The following PPARGC1A variants were observed in gnomAD, a reference collection of about 807,000 sequenced individuals.
PPARGC1A encodes PPARG coactivator 1 alpha, also known as peroxisome proliferator-activated receptor gamma coactivator 1-alpha.
PPARGC1A carries 25 observed loss-of-function variants against 88.7 expected under a neutral mutation model. That is an observed-to-expected ratio of 0.28 (90% CI 0.21 to 0.39). The LOEUF (loss-of-function observed/expected upper bound fraction) is 0.39. PPARGC1A is among the 10% of genes least tolerant of loss of function. The probability of loss-of-function intolerance (pLI) is 1.00; values close to 1 mark genes in which losing one functional copy is unlikely to be tolerated. For missense variants in PPARGC1A, 880 were observed against 968.7 expected (o/e 0.91, Z 1.22); for synonymous variants, 363 against 355.6 (o/e 1.02, Z -0.24).
the PPARGC1A span, among the ~76,000 whole-genome samples, chr4:24,171,081 T>C: frequency 5.3e-5 from 8 of 152,092 alleles, no homozygotes; most frequent in Admixed American, 5.2e-4. Flanking sequence ...TATGTCCAAA[T>C]GTTACCTTCT....
the PPARGC1A span, among the ~76,000 whole-genome samples, chr4:24,313,182 G>A: frequency 6.6e-6 from 1 of 152,194 alleles, no homozygotes; most frequent in Non-Finnish European, 1.5e-5. Context: ...TAGACAAGCA[G>A]TGCACAAAGG....
At chr4:24,388,138 TACAAG>T in the PPARGC1A span, among the ~76,000 whole-genome samples, 1 of 58,518 alleles carries the variant, frequency 1.7e-5, no homozygotes. Flanking sequence ...TAAACAAATC[TACAAG>T]AAAAAAAAAA....
the PPARGC1A span, among the ~76,000 whole-genome samples, chr4:24,341,778 T>G: frequency 6.6e-6 from 1 of 152,248 alleles, no homozygotes; most frequent in East Asian, 1.9e-4. Flanking sequence ...ACACACACAT[T>G]CCATGAAAGC....
chr4:23,848,612 C>T (rs1368741911), intron 2 of PPARGC1A, among the ~76,000 whole-genome samples: 1 of 152,136 alleles, frequency 6.6e-6, no homozygotes, highest in East Asian at 1.9e-4. Context: ...AATTCAGTGC[C>T]ATTTCAGCGT....
At chr4:23,889,261 C>T (rs1367274278) in intron 1 of PPARGC1A, 3 of 985,288 alleles carry the variant, frequency 3.0e-6, no homozygotes, top group African/African-American at 1.7e-5. Context: ...CTGCCACCGA[C>T]GCGAACGGAA....
At chr4:24,238,743 A>ATGTGTGTG in the PPARGC1A span, among the ~76,000 whole-genome samples, 142 of 118,632 alleles carry the variant, frequency 1.2e-3, 3 homozygotes, top group East Asian at 2.0e-3. Context: ...CCAAGGTTGT[A>ATGTGTGTG]TATGTGTGTG....
the PPARGC1A span, among the ~76,000 whole-genome samples, chr4:24,138,592 A>C: frequency 1.3e-5 from 2 of 152,180 alleles, no homozygotes; most frequent in Non-Finnish European, 2.9e-5. Flanking sequence ...TGATCACATG[A>C]AATGCACTTT....
Position 23,857,367 on chromosome 4 carries a change from GTGTGTGACA to G in PPARGC1A, c.235-25625_235-25617del, listed in dbSNP as rs1213059046. On this transcript the variant is annotated intron_variant, in intron 2 of 12. Coordinates refer to ENST00000264867, the MANE Select transcript of PPARGC1A (RefSeq NM_013261.5). ...AAATCTATTTAGTATGTGCGTGTGT[GTGTGTGACA>G]CACACACACACGCACGTACTAAATA... Among the ~76,000 whole-genome samples the G allele has an allele frequency of 2.8e-5, 3 of 106,958 alleles. No individual in the cohort carries two copies. In the Admixed American group the frequency reaches 2.9e-4, roughly 10 times the overall value. The allele number at this position is 106,958 out of a possible 152,430, so 70.2% of individuals were successfully genotyped here. A position where few individuals can be genotyped will look rare whatever the true frequency, so the allele number is the denominator to read the frequency against.
At chr4:23,936,323 G>A in the PPARGC1A span, among the ~76,000 whole-genome samples, 1 of 152,106 alleles carries the variant, frequency 6.6e-6, no homozygotes, top group Non-Finnish European at 1.5e-5. Context: ...AGATCACATA[G>A]CTACTAAGTG....
At chr4:24,251,710 G>A in the PPARGC1A span, among the ~76,000 whole-genome samples, 1 of 152,206 alleles carries the variant, frequency 6.6e-6, no homozygotes, top group East Asian at 1.9e-4. Context: ...AAAAAGATTA[G>A]GTCATTTTTC....
the PPARGC1A span, among the ~76,000 whole-genome samples, chr4:23,923,116 G>GTTTTGTTTTTT: frequency 2.3e-5 from 3 of 131,684 alleles, no homozygotes; most frequent in Non-Finnish European, 3.3e-5. Flanking sequence ...TTTGTTGCTT[G>GTTTTGTTTTTT]TTTTTTTTTT....
chr4:24,008,390 T>C, the PPARGC1A span, among the ~76,000 whole-genome samples: 1 of 152,222 alleles, frequency 6.6e-6, no homozygotes, highest in East Asian at 1.9e-4. Flanking sequence ...ACTGATCTTA[T>C]TCCACTGGTT....
chr4:24,272,581 C>A, the PPARGC1A span, among the ~76,000 whole-genome samples: 1 of 152,162 alleles, frequency 6.6e-6, no homozygotes, highest in South Asian at 2.1e-4. Flanking sequence ...TTCAGAATTA[C>A]CCATTTCCAC....
At chr4:24,119,623 A>T in the PPARGC1A span, among the ~76,000 whole-genome samples, 1 of 152,042 alleles carries the variant, frequency 6.6e-6, no homozygotes, top group African/African-American at 2.4e-5. Flanking sequence ...ACAAAAATTT[A>T]TAAAGATTTC....
the PPARGC1A span, among the ~76,000 whole-genome samples, chr4:23,944,843 C>T: frequency 6.6e-6 from 1 of 152,130 alleles, no homozygotes; most frequent in African/African-American, 2.4e-5. Flanking sequence ...CCTGAGGTTT[C>T]CCCAGTCATG....
At chr4:24,392,881 T>G in the PPARGC1A span, among the ~76,000 whole-genome samples, 11 of 152,272 alleles carry the variant, frequency 7.2e-5, no homozygotes, top group African/African-American at 2.4e-4. Context: ...GCAAGTATTT[T>G]ATTTATCTCT....
the PPARGC1A span, among the ~76,000 whole-genome samples, chr4:24,398,397 C>CTTTCAATT: frequency 6.6e-6 from 1 of 152,140 alleles, no homozygotes; most frequent in Non-Finnish European, 1.5e-5. Flanking sequence ...GAATGTTTTA[C>CTTTCAATT]TTTCAATTTT....
chr4:24,212,937 T>C, the PPARGC1A span, among the ~76,000 whole-genome samples: 2 of 152,072 alleles, frequency 1.3e-5, no homozygotes, highest in African/African-American at 2.4e-5. Context: ...TCTACACATA[T>C]CCCCTCCAGG....
chr4:24,150,972 A>G, the PPARGC1A span, among the ~76,000 whole-genome samples: 1 of 152,088 alleles, frequency 6.6e-6, no homozygotes, highest in Non-Finnish European at 1.5e-5. Flanking sequence ...TGCTGTTCCA[A>G]TTGCAGTTTC....
Sources: allele counts gnomAD v4.1 joint callset (sites outside exome capture counted in the v4.1 genomes callset), GRCh38; gene constraint gnomAD v4.1.1; transcripts MANE v1.5; gene names NCBI Gene and HGNC (gene_info 2026-07-23, HGNC 2026-07-21).